Variants in MALRD1 observed in about 807,000 individuals in gnomAD.
MALRD1 encodes MAM and LDL receptor class A domain containing 1.
A neutral mutation model predicts 242.1 loss-of-function variants in MALRD1; 247 were observed. That is an observed-to-expected ratio of 1.02 (90% CI 0.92 to 1.13). The LOEUF (loss-of-function observed/expected upper bound fraction) is 1.13. Ranked by LOEUF, MALRD1 falls within the 50% of genes most tolerant of loss-of-function variation. The probability of loss-of-function intolerance (pLI) is 0.00; values close to 1 mark genes in which losing one functional copy is unlikely to be tolerated. For missense variants in MALRD1, 2,989 were observed against 2,533.1 expected, an observed-to-expected ratio of 1.18 and a Z score of -3.86; for synonymous variants, 995 against 866.6, an observed-to-expected ratio of 1.15 and a Z score of -2.60.
intron 28 of MALRD1, among the ~76,000 whole-genome samples, chr10:19,423,317 G>C (rs1461610992): frequency 1.3e-5 from 2 of 151,630 alleles, no homozygotes. Flanking sequence ...ACCAATCTAT[G>C]AACAAATATT....
chr10:19,227,898 G>C (rs940764110), intron 18 of MALRD1, among the ~76,000 whole-genome samples: 7 of 152,116 alleles, frequency 4.6e-5, no homozygotes, highest in African/African-American at 1.7e-4. Flanking sequence ...GGAAATGCAA[G>C]TTAAAACCAC....
intron 32 of MALRD1, among the ~76,000 whole-genome samples, chr10:19,536,816 G>A (rs1834701530): frequency 6.6e-6 from 1 of 152,118 alleles, no homozygotes; most frequent in Non-Finnish European, 1.5e-5. Flanking sequence ...AAACAAAACA[G>A]ATAACTATGA....
chr10:19,059,834 T>C (rs1199924006), intron 1 of MALRD1, among the ~76,000 whole-genome samples: 1 of 152,232 alleles, frequency 6.6e-6, no homozygotes, highest in African/African-American at 2.4e-5. Flanking sequence ...AGCGGATTCA[T>C]TTTCTTTCTT....
intron 36 of MALRD1, among the ~76,000 whole-genome samples, chr10:19,665,523 A>G (rs7091330): frequency 0.1 from 15,181 of 151,924 alleles, 1,894 homozygotes; most frequent in African/African-American, 0.29. Flanking sequence ...TTTTTTCTCA[A>G]TTGCCTCAAA....
intron 36 of MALRD1, among the ~76,000 whole-genome samples, chr10:19,655,009 C>A (rs1045645925): frequency 6.6e-6 from 1 of 152,104 alleles, no homozygotes; most frequent in East Asian, 1.9e-4. Context: ...TTATATGAAA[C>A]TAAATATGCA....
chr10:19,141,183 G>A (rs1326886400), intron 10 of MALRD1, among the ~76,000 whole-genome samples: 7 of 152,070 alleles, frequency 4.6e-5, no homozygotes, highest in Non-Finnish European at 5.9e-5. Flanking sequence ...GATACACGTT[G>A]GATCCCTGAA....
chr10:19,385,968 A>G (rs1169358157), intron 26 of MALRD1, among the ~76,000 whole-genome samples: 5 of 152,142 alleles, frequency 3.3e-5, no homozygotes, highest in Non-Finnish European at 7.4e-5. Flanking sequence ...ATTTTGTCAT[A>G]GACAGAGTCC....
In MALRD1 at chr10:19,054,060, A is replaced by G. The variant is rs146895329; in HGVS notation, c.199+4923A>G. ...AATCCCTCTTTTAGGACCTATTAAC[A>G]TGCTTATCAAGGGAAATATAAGTTG... On this transcript the variant is annotated intron_variant, in intron 1 of 39. Transcript: ENST00000454679. 1.1e-4 allele frequency among the ~76,000 whole-genome samples: 16 copies of G among 152,202 alleles called. No homozygotes were observed. The East Asian group carries it at 2.7e-3, about 26-fold the overall frequency.
In MALRD1 at chr10:19,533,335, C is replaced by T. The variant is rs933562492; in HGVS notation, c.5478+1984C>T. Among the ~76,000 whole-genome samples, 22 of 152,022 alleles carry T rather than the reference C, an allele frequency of 1.4e-4. No homozygotes were observed. The East Asian group carries it at 1.7e-3, about 12-fold the overall frequency. On this transcript the variant is annotated intron_variant, in intron 32 of 39. Transcript: ENST00000454679. ...ACCAGAAGGCAGCAGTTAAGTATAA[C>T]GATGCTTTTCTACTCTGGGAAGTTT...
At chr10:19,114,173 A>G (rs1337015598) in intron 5 of MALRD1, among the ~76,000 whole-genome samples, 3 of 152,350 alleles carry the variant, frequency 2.0e-5, no homozygotes, top group African/African-American at 7.2e-5. Flanking sequence ...TTTAGTATGA[A>G]AAATGAAGCT....
intron 11 of MALRD1, among the ~76,000 whole-genome samples, chr10:19,146,954 T>G (rs1469264360): frequency 6.6e-6 from 1 of 152,246 alleles, no homozygotes; most frequent in Non-Finnish European, 1.5e-5. Flanking sequence ...TTTTTTCTTT[T>G]GTTTTGTTCA....
chr10:19,509,924 G>T (rs1430439334), intron 31 of MALRD1, among the ~76,000 whole-genome samples: 1 of 149,548 alleles, frequency 6.7e-6, no homozygotes, highest in Non-Finnish European at 1.5e-5. Flanking sequence ...GGGCCCAGGG[G>T]ACCGGCGCTC....
chr10:19,428,954 G>A (rs1256499553), intron 28 of MALRD1, among the ~76,000 whole-genome samples: 1 of 152,126 alleles, frequency 6.6e-6, no homozygotes, highest in African/African-American at 2.4e-5. Flanking sequence ...TCTGTAGTCT[G>A]AATTTATTCC....
chr10:19,424,774 A>G (rs1272807491), intron 28 of MALRD1, among the ~76,000 whole-genome samples: 1 of 152,054 alleles, frequency 6.6e-6, no homozygotes, highest in Non-Finnish European at 1.5e-5. Flanking sequence ...CTAAGTCTTG[A>G]TACAGCTTTT....
chr10:19,244,414 TA>T (rs1838947815), intron 18 of MALRD1, among the ~76,000 whole-genome samples: 1 of 151,882 alleles, frequency 6.6e-6, no homozygotes. Flanking sequence ...TGTACAAAAA[TA>T]AAAATATTAG....
intron 14 of MALRD1, among the ~76,000 whole-genome samples, chr10:19,194,337 C>T (rs1201959675): frequency 6.6e-6 from 1 of 152,066 alleles, no homozygotes; most frequent in Non-Finnish European, 1.5e-5. Context: ...TTTTTCATAG[C>T]CTATTGAGTC....
At chr10:19,573,000 C>T (rs755822959) in intron 33 of MALRD1, among the ~76,000 whole-genome samples, 2 of 152,272 alleles carry the variant, frequency 1.3e-5, no homozygotes, top group South Asian at 2.1e-4. Context: ...TTTGTTACTG[C>T]GACCTTAGAA....
chr10:19,701,829 C>T (rs1355547390), intron 38 of MALRD1, among the ~76,000 whole-genome samples: 2 of 150,192 alleles, frequency 1.3e-5, no homozygotes, highest in African/African-American at 4.9e-5. Context: ...CATCCCTCAC[C>T]TTCTCCCTTC....
chr10:19,357,085 GGGC>G (rs1465301728), intron 26 of MALRD1, among the ~76,000 whole-genome samples: 2 of 150,570 alleles, frequency 1.3e-5, no homozygotes, highest in Non-Finnish European at 3.0e-5. Context: ...ACTCCAGCCT[GGGC>G]GACAGAGTGA....
Sources: gnomAD v4.1 joint callset for allele counts (sites outside exome capture counted in the v4.1 genomes callset) on GRCh38, gnomAD v4.1.1 for gene constraint, MANE v1.5 for transcripts, NCBI Gene and HGNC (gene_info 2026-07-23, HGNC 2026-07-21) for gene names.